The following ACADSB variants were observed in gnomAD, a reference collection of about 807,000 sequenced individuals.
ACADSB encodes acyl-CoA dehydrogenase short/branched chain.
A neutral mutation model predicts 54.1 loss-of-function variants in ACADSB; 40 were observed. The ratio of observed to expected loss-of-function variants is 0.74; its 90% CI spans 0.57 to 0.96. The LOEUF is 0.96. Ranked by LOEUF, ACADSB falls within the 40% of genes least tolerant of loss-of-function variation. The probability of loss-of-function intolerance (pLI) is 0.00; values close to 1 mark genes in which losing one functional copy is unlikely to be tolerated. For synonymous variants in ACADSB, 182 were observed against 182.8 expected (o/e 1.00, Z 0.03); for missense variants, 530 against 510.4 (o/e 1.04, Z -0.37).
Position 123,009,034 on chromosome 10 carries a change from A to T in ACADSB, c.5A>T (p.Glu2Val). 1 of 1,547,948 alleles carries T rather than the reference A, an allele frequency of 6.5e-7. No homozygotes were observed. Among genetic ancestry groups the T allele is most frequent in the Non-Finnish European group, 8.7e-7 (1 of 1,146,796 alleles). Residue 2 changes from glutamate (E) to valine (V), a missense_variant, in exon 1 of 11, where the codon GAG becomes GTG. Glu to Val is a moderately radical substitution (Grantham distance 121). Coordinates refer to ENST00000358776, the MANE Select transcript of ACADSB (RefSeq NM_001609.4). M[E>V]GLAVRLLRGS... is the part of the protein sequence containing the mutation. ...GCGGAGAGGCCTGCGGCGAGGATGG[A>T]GGGCCTGGCAGTGCGGTTGCTGCGC...
At chr10:123,018,341 CCCTTG>C (rs1180552941) in intron 1 of ACADSB, among the ~76,000 whole-genome samples, 1 of 152,078 alleles carries the variant, frequency 6.6e-6, no homozygotes, top group African/African-American at 2.4e-5. Flanking sequence ...TGTGTTGATT[CCCTTG>C]CCTTGTGTCT....
intron 5 of ACADSB, among the ~76,000 whole-genome samples, chr10:123,042,555 G>C (rs975026997): frequency 2.0e-5 from 3 of 149,472 alleles, no homozygotes; most frequent in Admixed American, 6.7e-5. Flanking sequence ...CCGCCTTCTG[G>C]GTTCAAGCAA....
chr10:123,053,987 C>A lies in ACADSB; in HGVS notation c.*222C>A. ...TCCACTTTTAAACTTGGGAAATAAG[C>A]ACCTGTATTTTTTTCCAAAACTGTT... On this transcript the variant is annotated 3_prime_UTR_variant, in exon 11 of 11. Coordinates refer to ENST00000358776, the MANE Select transcript of ACADSB (RefSeq NM_001609.4). The A allele has an allele frequency of 1.7e-6, 1 of 600,444 alleles. No homozygotes were observed. The allele number at this position is 600,444 out of a possible 1,614,324, so 37.2% of individuals were successfully genotyped here. A position where few individuals can be genotyped will look rare whatever the true frequency, so the allele number is the denominator to read the frequency against.
rs1335475998 is a variant in ACADSB at position 123,053,748 on chromosome 10, A to G, written c.1282A>G (p.Ile428Val). Residue 428 changes from isoleucine to valine, a missense_variant, in exon 11 of 11, where the codon ATC (isoleucine) becomes GTC (valine). Coordinates refer to ENST00000358776, the MANE Select transcript of ACADSB (RefSeq NM_001609.4). ...CCAGTTGAACACCATTGCAAAGCAT[A>G]TCGATGCAGAATACTGACGTCTATA... ...NIQLNTIAKH[I>V]DAEY 6.2e-7 allele frequency: 1 copy of G among 1,613,866 alleles called. No homozygotes were observed. The highest frequency in any genetic ancestry group is 2.2e-5 in the East Asian group (1 of 44,904).
intron 1 of ACADSB, among the ~76,000 whole-genome samples, chr10:123,016,861 CA>C (rs1357344981): frequency 6.6e-6 from 1 of 152,044 alleles, no homozygotes; most frequent in Non-Finnish European, 1.5e-5. Context: ...ATAAAAAAAA[CA>C]AACCTGTGAG....
intron 7 of ACADSB, among the ~76,000 whole-genome samples, chr10:123,046,282 A>G (rs1216278589): frequency 1.3e-5 from 2 of 152,230 alleles, no homozygotes; most frequent in African/African-American, 2.4e-5. Context: ...AAATAAATTG[A>G]TAAGTCTGCT....
chr10:123,026,960 G>A (rs1011238383), intron 1 of ACADSB, among the ~76,000 whole-genome samples: 1 of 152,146 alleles, frequency 6.6e-6, no homozygotes, highest in Non-Finnish European at 1.5e-5. Flanking sequence ...TTGTTTGTAT[G>A]TTACCTATTA....
At chr10:123,021,308 A>G (rs1409512219) in intron 1 of ACADSB, among the ~76,000 whole-genome samples, 4 of 152,230 alleles carry the variant, frequency 2.6e-5, no homozygotes, top group Middle Eastern at 3.2e-3. Context: ...TTTTTGTTAA[A>G]GAGTACATCA....
chr10:123,040,183 TAAA>T (rs11363649), intron 3 of ACADSB, among the ~76,000 whole-genome samples: 20 of 138,862 alleles, frequency 1.4e-4, no homozygotes, highest in Admixed American at 2.2e-4. Flanking sequence ...CCATCTCTAC[TAAA>T]AAAAAAAAAA....
At position 123,057,243 on chromosome 10, in the gene ACADSB, G is replaced by T. The variant is rs1850720340; in HGVS notation, c.*3478G>T. ...TCAGAGAGCTTCCCATTTGCATCTA[G>T]ACCTTGAATTTATATTTATTGATCA... On this transcript the variant is annotated 3_prime_UTR_variant, in exon 11 of 11. Transcript: ENST00000358776. The T allele has an allele frequency of 2.6e-5, 4 of 152,166 alleles. No individual in the cohort carries two copies. Among genetic ancestry groups the T allele is most frequent in the Admixed American group, 1.3e-4 (2 of 15,272 alleles). The allele number at this position is 152,166 out of a possible 1,614,324, so 9.4% of individuals were successfully genotyped here.
Position 123,044,451 on chromosome 10 carries a change from G to A in ACADSB, c.866G>A (p.Ser289Asn). Residue 289 changes from serine (S) to asparagine (N), a missense_variant, in exon 7 of 11, where the codon AGT (serine) becomes AAT (asparagine). Coordinates refer to ENST00000358776, the MANE Select transcript of ACADSB (RefSeq NM_001609.4). ...IGHGYKYAIG[S>N]LNEGRIGIAA... Reference sequence around the variant, plus strand: ...CATGGCTATAAGTATGCCATAGGGAGTCTCAATGAAGGTAGAATAGGAATT... The same window carrying A: ...CATGGCTATAAGTATGCCATAGGGAATCTCAATGAAGGTAGAATAGGAATT... 6.2e-7 allele frequency: 1 copy of A among 1,613,896 alleles called. No individual in the cohort carries two copies. The highest frequency in any genetic ancestry group is 1.1e-5 in the South Asian group (1 of 91,076).
At position 123,044,291 on chromosome 10, in the gene ACADSB, G is replaced by A; in HGVS notation, c.808-102G>A. The A allele has an allele frequency of 3.9e-6, 4 of 1,013,396 alleles. No homozygotes were observed. In the Admixed American group the frequency reaches 7.3e-5, roughly 19 times the overall value. The allele number at this position is 1,013,396 out of a possible 1,614,324, so 62.8% of individuals were successfully genotyped here. A position where few individuals can be genotyped will look rare whatever the true frequency, so the allele number is the denominator to read the frequency against. The stretch of plus-strand genomic sequence containing the variant: ...CAGATGCCGGCAAGTTCTGTGAGAG[G>A]GCTAGCACACGAATTGAGAGTCTAT... On this transcript the variant is annotated intron_variant, in intron 6 of 10. Coordinates refer to ENST00000358776, the MANE Select transcript of ACADSB (RefSeq NM_001609.4).
chr10:123,009,203 T>C (rs1849962104), intron 1 of ACADSB, 132 bp downstream of exon 1: 4 of 1,042,798 alleles, frequency 3.8e-6, no homozygotes, highest in Non-Finnish European at 5.6e-6. Context: ...GTCCCCAGAC[T>C]CTTTACCCGC....
intron 1 of ACADSB, among the ~76,000 whole-genome samples, chr10:123,031,280 T>C (rs1420248991): frequency 1.3e-5 from 2 of 152,234 alleles, no homozygotes; most frequent in Non-Finnish European, 2.9e-5. Flanking sequence ...TCATGGACTT[T>C]ATTATTCTGT....
intron 1 of ACADSB, among the ~76,000 whole-genome samples, chr10:123,029,076 G>T (rs1850290864): frequency 6.6e-6 from 1 of 151,514 alleles, no homozygotes; most frequent in Non-Finnish European, 1.5e-5. Flanking sequence ...ACCAGTCATG[G>T]TGGCTCATGC....
intron 1 of ACADSB, among the ~76,000 whole-genome samples, chr10:123,024,124 G>T (rs970655548): frequency 1.3e-5 from 2 of 152,234 alleles, no homozygotes; most frequent in African/African-American, 4.8e-5. Flanking sequence ...ATTTGATAAG[G>T]CCACGCTTTC....
chr10:123,043,313 G>A lies in ACADSB; in HGVS notation c.807+142G>A, dbSNP rs140369835. The stretch of plus-strand genomic sequence containing the variant: ...AGTATTTTGTAAAACCCTGAACAGC[G>A]CTCTTTAGTCATGACCAGATAAATG... On this transcript the variant is annotated intron_variant, in intron 6 of 10. Transcript: ENST00000358776. The A allele has an allele frequency of 1.5e-4, 154 of 1,060,624 alleles. No homozygotes were observed. The African/African-American group carries it at 2.0e-3, about 14-fold the overall frequency. 65.7% of individuals were successfully genotyped at this position (1,060,624 alleles called of 1,614,324 possible).
At position 123,047,240 on chromosome 10, in the gene ACADSB, A is replaced by T. The variant is rs780747228; in HGVS notation, c.932A>T (p.Tyr311Phe). Reference sequence around the variant, plus strand: ...GGACTGGCGCAAGGATGTTTTGACTACACTATTCCATATATTAAAGAAAGG... The same window carrying T: ...GGACTGGCGCAAGGATGTTTTGACTTCACTATTCCATATATTAAAGAAAGG... ...MLGLAQGCFD[Y>F]TIPYIKERIQ... is the part of the protein sequence containing the mutation. Residue 311 changes from tyrosine (Y) to phenylalanine (F), a missense_variant, in exon 8 of 11, where the codon TAC becomes TTC. Transcript: ENST00000358776. 7.5e-6 allele frequency: 12 copies of T among 1,609,384 alleles called. No individual in the cohort carries two copies. The African/African-American group carries it at 1.5e-4, about 20-fold the overall frequency.
At position 123,047,235 on chromosome 10, in the gene ACADSB, T is replaced by G. The variant is rs1025610147; in HGVS notation, c.927T>G (p.Phe309Leu). ...TGCTGGGACTGGCGCAAGGATGTTT[T>G]GACTACACTATTCCATATATTAAAG... ...AQMLGLAQGCFDYTIPYIKER... is the reference protein window; with the variant it reads ...AQMLGLAQGCLDYTIPYIKER... Residue 309 changes from phenylalanine to leucine, a missense_variant, in exon 8 of 11, where the codon TTT becomes TTG. Coordinates refer to ENST00000358776, the MANE Select transcript of ACADSB (RefSeq NM_001609.4). 7 of 1,609,020 alleles carry G rather than the reference T, an allele frequency of 4.4e-6. No individual in the cohort carries two copies. Among genetic ancestry groups the G allele is most frequent in the Non-Finnish European group, 6.0e-6 (7 of 1,175,378 alleles).
Sources: gnomAD v4.1 joint callset for allele counts (sites outside exome capture counted in the v4.1 genomes callset) on GRCh38, gnomAD v4.1.1 for gene constraint, MANE v1.5 for transcripts, NCBI Gene and HGNC (gene_info 2026-07-23, HGNC 2026-07-21) for gene names.